Variants in XKR4 observed in about 807,000 individuals in gnomAD.
The protein encoded by XKR4 is XK-related protein 4.
A neutral mutation model predicts 53.9 loss-of-function variants in XKR4; 12 were observed. That is an observed-to-expected ratio of 0.22 (90% CI 0.14 to 0.36). XKR4 has a LOEUF of 0.36. Ranked by LOEUF, XKR4 falls within the 10% of genes least tolerant of loss-of-function variation. The probability of loss-of-function intolerance (pLI) is 1.00; values close to 1 mark genes in which losing one functional copy is unlikely to be tolerated. For synonymous variants in XKR4, 354 were observed against 362.4 expected (o/e 0.98, Z 0.26); for missense variants, 799 against 859.5 (o/e 0.93, Z 0.88).
At chr8:55,450,432 G>T in intron 2 of XKR4, 1 of 577,964 alleles carries the variant, frequency 1.7e-6, no homozygotes, top group Admixed American at 2.6e-5. Flanking sequence ...TGCTCATCCG[G>T]TCCACACAGA....
intron 1 of XKR4, among the ~76,000 whole-genome samples, chr8:55,111,225 C>G (rs887386432): frequency 6.6e-6 from 1 of 152,122 alleles, no homozygotes; most frequent in African/African-American, 2.4e-5. Context: ...GCTCCTGGAG[C>G]CTCATAGACT....
intron 1 of XKR4, among the ~76,000 whole-genome samples, chr8:55,202,195 G>A (rs1817584719): frequency 6.6e-6 from 1 of 152,182 alleles, no homozygotes; most frequent in Non-Finnish European, 1.5e-5. Context: ...CCTTTTAAAA[G>A]TTGGTGAATA....
chr8:55,398,126 A>T (rs915313108), intron 2 of XKR4, among the ~76,000 whole-genome samples: 1 of 152,236 alleles, frequency 6.6e-6, no homozygotes, highest in African/African-American at 2.4e-5. Flanking sequence ...GCGCACTTTC[A>T]GAGGATGGAA....
chr8:55,230,764 C>T (rs1818025403), intron 1 of XKR4, among the ~76,000 whole-genome samples: 1 of 152,156 alleles, frequency 6.6e-6, no homozygotes, highest in African/African-American at 2.4e-5. Context: ...GGAAATAATG[C>T]TTTTATGAAA....
chr8:55,381,685 C>A (rs1429738045), intron 2 of XKR4, among the ~76,000 whole-genome samples: 1 of 152,166 alleles, frequency 6.6e-6, no homozygotes, highest in African/African-American at 2.4e-5. Context: ...AGACCATGGA[C>A]CGACGTGCTG....
At chr8:55,105,966 T>C in intron 1 of XKR4, among the ~76,000 whole-genome samples, 1 of 152,188 alleles carries the variant, frequency 6.6e-6, no homozygotes, top group East Asian at 1.9e-4. Context: ...TTAGACTCAC[T>C]ATGATTCCTT....
chr8:55,511,757 T>C (rs902075421), intron 2 of XKR4, among the ~76,000 whole-genome samples: 3 of 152,256 alleles, frequency 2.0e-5, no homozygotes, highest in Non-Finnish European at 4.4e-5. Flanking sequence ...TTTTTCCTCA[T>C]ACTTTGAGCT....
Position 55,189,374 on chromosome 8 carries a change from C to T in XKR4, c.806+86080C>T, listed in dbSNP as rs147572761. Among the ~76,000 whole-genome samples the T allele has an allele frequency of 3.0e-3, 453 of 152,234 alleles. 2 individuals are homozygous for T. The highest frequency in any genetic ancestry group is 0.01 in the African/African-American group (419 of 41,530). ...ATGAGTACGATCATGCCTCAATGAA[C>T]GGCGGGGATACATTCTGAGAAATGC... On this transcript the variant is annotated intron_variant, in intron 1 of 2. Coordinates refer to ENST00000327381, the MANE Select transcript of XKR4 (RefSeq NM_052898.2).
At chr8:55,304,912 AATG>A (rs1233829561) in intron 1 of XKR4, among the ~76,000 whole-genome samples, 1 of 152,140 alleles carries the variant, frequency 6.6e-6, no homozygotes, top group Non-Finnish European at 1.5e-5. Flanking sequence ...CAGAGGCAGA[AATG>A]ATAAGCTTCA....
intron 2 of XKR4, among the ~76,000 whole-genome samples, chr8:55,417,133 G>A (rs1337083725): frequency 4.6e-5 from 7 of 152,110 alleles, no homozygotes; most frequent in Non-Finnish European, 1.0e-4. Context: ...AACCATTGTC[G>A]TCGTGGGTAC....
At chr8:55,122,505 G>A (rs1327168152) in intron 1 of XKR4, among the ~76,000 whole-genome samples, 1 of 152,160 alleles carries the variant, frequency 6.6e-6, no homozygotes, top group African/African-American at 2.4e-5. Flanking sequence ...AGCTTTGAAA[G>A]GGATTGAGAC....
chr8:55,327,838 C>T (rs1028678965), intron 1 of XKR4, among the ~76,000 whole-genome samples: 1 of 152,082 alleles, frequency 6.6e-6, no homozygotes, highest in Non-Finnish European at 1.5e-5. Context: ...AAAGTCTGTC[C>T]AACCTTTCAA....
Position 55,488,657 on chromosome 8 carries a change from T to TTGCTGGAGGTTA in XKR4, c.1007-34624_1007-34623insTGCTGGAGGTTA, listed in dbSNP as rs1585602080. Reference sequence around the variant, plus strand: ...ATGGAGAGAATAAAAAGACCAATGGTGGCCGGGCGCGGTGGCTCACGCCTG... The same window carrying TTGCTGGAGGTTA: ...ATGGAGAGAATAAAAAGACCAATGGTTGCTGGAGGTTAGGCCGGGCGCGGTGGCTCACGCCTG... On this transcript the variant is annotated intron_variant, in intron 2 of 2. Coordinates refer to ENST00000327381, the MANE Select transcript of XKR4 (RefSeq NM_052898.2). Among the ~76,000 whole-genome samples, 172 of 63,836 alleles carry TTGCTGGAGGTTA rather than the reference T, an allele frequency of 2.7e-3. 40 individuals are homozygous for TTGCTGGAGGTTA. The highest frequency in any genetic ancestry group is 5.5e-3 in the Middle Eastern group (1 of 182). The allele number at this position is 63,836 out of a possible 152,430, so 41.9% of individuals were successfully genotyped here.
chr8:55,381,568 C>T (rs1198590959), intron 2 of XKR4, among the ~76,000 whole-genome samples: 1 of 152,268 alleles, frequency 6.6e-6, no homozygotes, highest in South Asian at 2.1e-4. Context: ...GGTGTCCCAG[C>T]CTCAGAAAAG....
At chr8:55,105,344 CA>C (rs1816126337) in intron 1 of XKR4, among the ~76,000 whole-genome samples, 1 of 122,460 alleles carries the variant, frequency 8.2e-6, no homozygotes. Context: ...AAAGTTATTT[CA>C]GAGGTAGGGA....
chr8:55,427,566 G>C (rs1198760360), intron 2 of XKR4, among the ~76,000 whole-genome samples: 2 of 151,998 alleles, frequency 1.3e-5, no homozygotes, highest in Non-Finnish European at 2.9e-5. Flanking sequence ...AACACAAGGG[G>C]AACAAATTCT....
chr8:55,165,870 A>G (rs1444349743), intron 1 of XKR4, among the ~76,000 whole-genome samples: 2 of 152,168 alleles, frequency 1.3e-5, no homozygotes, highest in Non-Finnish European at 2.9e-5. Context: ...AAGGTCAAAG[A>G]GGTTTATGGG....
intron 2 of XKR4, among the ~76,000 whole-genome samples, chr8:55,502,548 A>G (rs1053259723): frequency 6.6e-6 from 1 of 152,136 alleles, no homozygotes; most frequent in Non-Finnish European, 1.5e-5. Context: ...ATATCTGTTC[A>G]AATTCCTTTG....
intron 2 of XKR4, among the ~76,000 whole-genome samples, chr8:55,471,129 G>C (rs1047378863): frequency 2.0e-5 from 3 of 152,132 alleles, no homozygotes; most frequent in Non-Finnish European, 4.4e-5. Flanking sequence ...GAGGGCAGCA[G>C]CCACATTTAA....
Sources: allele counts gnomAD v4.1 joint callset (sites outside exome capture counted in the v4.1 genomes callset), GRCh38; gene constraint gnomAD v4.1.1; transcripts MANE v1.5; gene names NCBI Gene and HGNC (gene_info 2026-07-23, HGNC 2026-07-21).